MYH7: variants seen among roughly 807,000 people sequenced by gnomAD.
The protein encoded by MYH7 is myosin-7.
In MYH7, 129 loss-of-function variants were observed where a neutral mutation model predicts 225.4. That is an observed-to-expected ratio of 0.57 (90% confidence interval 0.50 to 0.66). The LOEUF (loss-of-function observed/expected upper bound fraction) is 0.66. MYH7 is among the 30% of genes least tolerant of loss of function. The pLI, the probability that MYH7 is intolerant of heterozygous loss-of-function variation, is 0.00. For synonymous variants in MYH7, 971 were observed against 1,007.6 expected, an observed-to-expected ratio of 0.96 and a Z score of 0.69; for missense variants, 1,649 against 2,517.0, an observed-to-expected ratio of 0.66 and a Z score of 7.38.
intron 39 of MYH7, among the ~76,000 whole-genome samples, chr14:23,413,329 C>T (rs1044991961): frequency 2.6e-5 from 4 of 152,214 alleles, no homozygotes; most frequent in East Asian, 1.9e-4. Context: ...CCTGTAATCC[C>T]GTACTTTGGG....
rs1158361269 is a variant in MYH7, at chr14:23,412,818, C to T, written c.*36G>A. On this transcript the variant is annotated 3_prime_UTR_variant, in exon 40 of 40. Transcript: ENST00000355349. ...AGGCTCCAGCATGGGGCTTTGCTGGCACCTCCAGGGCTGAGCAGATCAAGA... is the reference window on the plus strand; with the variant it reads ...AGGCTCCAGCATGGGGCTTTGCTGGTACCTCCAGGGCTGAGCAGATCAAGA... 1.2e-6 allele frequency: 2 copies of T among 1,613,342 alleles called. No individual in the cohort carries two copies. Among genetic ancestry groups the T allele is most frequent in the Non-Finnish European group, 1.7e-6 (2 of 1,179,446 alleles).
rs727505281 is a variant in MYH7, at chr14:23,417,310, G to C, written c.4362C>G (p.Ala1454=). ...ACTCCTCATACTTCTGCTTCCACTC[G>C]GCCAGGATCTGCCCGGGGACAAGGC... ...KKQRNFDKIL[A]EWKQKYEESQ... Residue 1454 remains alanine (A), a synonymous_variant, in exon 32 of 40, where the codon GCC becomes GCG. Coordinates refer to ENST00000355349, the MANE Select transcript of MYH7 (RefSeq NM_000257.4). The C allele has an allele frequency of 1.9e-6, 3 of 1,613,822 alleles. No individual in the cohort carries two copies. The highest frequency in any genetic ancestry group is 2.5e-6 in the Non-Finnish European group (3 of 1,180,018).
Position 23,416,279 on chromosome 14 carries a change from G to A in MYH7, c.4678C>T (p.Arg1560Trp), listed in dbSNP as rs368722536. ...SLEHEEGKIL[R>W]AQLEFNQIKA... ...ATCTGGTTGAACTCCAGCTGGGCCCGGAGGATCTTGCCCTCCTCGTGCTCC... is the reference window on the plus strand; with the variant it reads ...ATCTGGTTGAACTCCAGCTGGGCCCAGAGGATCTTGCCCTCCTCGTGCTCC... The change falls in exon 34 of 40, where the codon CGG becomes TGG. Residue 1560 changes from arginine (R) to tryptophan (W), a missense_variant. Physicochemically the swap from Arg to Trp is moderately radical, Grantham distance 101. This residue lies in a region of MYH7 where 687 missense variants were observed against 913.8 expected (regional missense o/e 0.75). Transcript: ENST00000355349. 3.7e-6 allele frequency: 6 copies of A among 1,613,110 alleles called. No homozygotes were observed. Among genetic ancestry groups the A allele is most frequent in the South Asian group, 2.2e-5 (2 of 91,022 alleles).
In MYH7 at chr14:23,419,189, C is replaced by T. The variant is rs147797612; in HGVS notation, c.3960G>A (p.Glu1320=). 4.8e-4 allele frequency: 782 copies of T among 1,614,120 alleles called. No individual in the cohort carries two copies. Among genetic ancestry groups the T allele is most frequent in the Non-Finnish European group, 6.3e-4 (742 of 1,180,048 alleles). ...QQLEDLKRQL[E]EEVKAKNALA... is the part of the protein sequence containing the mutation. ...GTCTAGCCCTTACCTTAACCTCCTC[C>T]TCCAGCTGCCTCTTGAGGTCCTCCA... Residue 1320 remains glutamate, a synonymous_variant, in exon 29 of 40, where the codon GAG becomes GAA. Transcript: ENST00000355349.
rs774605900 is a variant in MYH7, at chr14:23,427,220, T to G, written c.1956+20A>C. 2.0e-5 allele frequency: 32 copies of G among 1,612,896 alleles called. No homozygotes were observed. Among genetic ancestry groups the G allele is most frequent in the Non-Finnish European group, 2.6e-5 (31 of 1,179,926 alleles). ...TGGGCAGATGGGGAGCCAAGTTGGC[T>G]GGGGCTGTGTCCCACTCACCCTGTG... On this transcript the variant is annotated intron_variant, in intron 17 of 39. Coordinates refer to ENST00000355349, the MANE Select transcript of MYH7 (RefSeq NM_000257.4).
chr14:23,427,603 A>G lies in MYH7; in HGVS notation c.1870T>C (p.Tyr624His). 6.2e-7 allele frequency: 1 copy of G among 1,614,152 alleles called. No homozygotes were observed. Among genetic ancestry groups the G allele is most frequent in the South Asian group, 1.1e-5 (1 of 91,078 alleles). ...LKLLSTLFANYAGADAPIEKG... is the reference protein window; with the variant it reads ...LKLLSTLFANHAGADAPIEKG... ...TACTTACGCGCATCAGCCCCAGCATAGTTGGCAAACAGGGTGCTGAGCAGC... is the reference window on the plus strand; with the variant it reads ...TACTTACGCGCATCAGCCCCAGCATGGTTGGCAAACAGGGTGCTGAGCAGC... The change falls in exon 16 of 40, where the codon TAT (tyrosine) becomes CAT (histidine). Residue 624 changes from tyrosine to histidine, a missense_variant. This residue lies in a region of MYH7 where 112 missense variants were observed against 161.9 expected (regional missense o/e 0.69). Coordinates refer to ENST00000355349, the MANE Select transcript of MYH7 (RefSeq NM_000257.4).
In MYH7 at chr14:23,415,273, G is replaced by A. The variant is rs759821521; in HGVS notation, c.5284-3C>T. 4 of 1,614,262 alleles carry A rather than the reference G, an allele frequency of 2.5e-6. No homozygotes were observed. The Admixed American group carries it at 5.0e-5, about 20-fold the overall frequency. ...AGCTCCTCTGCCATCATGGCGGCCT[G>A]TGTGCAGGAGAGAGGTGGCACATGG... On this transcript the variant is annotated splice_region_variant and splice_polypyrimidine_tract_variant and intron_variant, in intron 36 of 39. Coordinates refer to ENST00000355349, the MANE Select transcript of MYH7 (RefSeq NM_000257.4). This position sits in a 1 kb window ranked among gnomAD's most constrained non-coding sequence, Gnocchi z 6.3.
At position 23,425,731 on chromosome 14, in the gene MYH7, G is replaced by A. The variant is rs144942248; in HGVS notation, c.2250C>T (p.Asp750=). 14 of 1,614,002 alleles carry A rather than the reference G, an allele frequency of 8.7e-6. No individual in the cohort carries two copies. Among genetic ancestry groups the A allele is most frequent in the Non-Finnish European group, 1.1e-5 (13 of 1,179,866 alleles). Residue 750 remains aspartate, a synonymous_variant, in exon 20 of 40, where the codon GAC becomes GAT. Transcript: ENST00000355349. The surrounding 1 kb of genome is among the most constrained non-coding windows in gnomAD (Gnocchi z 4.6). ...CAAACTTGTACTGGTTGTGATCAAT[G>A]TCCAGGGAGCTGAGCAGCTTCTCTG... The part of the protein sequence containing the change: ...KGAEKLLSSL[D]IDHNQYKFGH...
chr14:23,423,484 C>G, intron 24 of MYH7, 63 bp downstream of exon 24: 6 of 1,426,022 alleles, frequency 4.2e-6, no homozygotes, highest in African/African-American at 3.1e-5. Flanking sequence ...CACACACACA[C>G]ACAGAGCTCT....
At chr14:23,430,788 A>C in intron 10 of MYH7, 113 bp downstream of exon 10, 1 of 1,260,430 alleles carries the variant, frequency 7.9e-7, no homozygotes, top group Non-Finnish European at 1.2e-6. Context: ...ATCCCACTGA[A>C]TTGAATCCAG....
In MYH7 at chr14:23,423,552, C is replaced by T. The variant is rs730880765; in HGVS notation, c.3094G>A (p.Asp1032Asn). Residue 1032 changes from aspartate (D) to asparagine (N), a missense_variant, in exon 24 of 40, where the codon GAT (aspartate) becomes AAT (asparagine). Asp to Asn is a conservative substitution (Grantham distance 23). Transcript: ENST00000355349. ...ACAACTCTCAATCTACTCACATCAT[C>T]CACTTGCTGCTCCAGCTTGACTTTG... Reference protein sequence around the residue: ...KAKVKLEQQVDDLEGSLEQEK... With the variant: ...KAKVKLEQQVNDLEGSLEQEK... 5 of 1,612,972 alleles carry T rather than the reference C, an allele frequency of 3.1e-6. No individual in the cohort carries two copies. The African/African-American group carries it at 6.7e-5, about 22-fold the overall frequency.
chr14:23,423,803 T>G, intron 23 of MYH7, 80 bp from the exon 24 acceptor site: 1 of 1,612,888 alleles, frequency 6.2e-7, no homozygotes, highest in Non-Finnish European at 8.5e-7. Flanking sequence ...CATGTCAAGG[T>G]CCATGCTGCT....
rs1685928297 is a variant in MYH7 at position 23,425,246 on chromosome 14, C to T, written c.2423+36G>A. Reference sequence around the variant, plus strand: ...ACTGCCCCTGAACCAGCCTGGGCCTCAGAGAAGCGGGAAACCTCCTCTTGA... The same window carrying T: ...ACTGCCCCTGAACCAGCCTGGGCCTTAGAGAAGCGGGAAACCTCCTCTTGA... On this transcript the variant is annotated intron_variant, in intron 21 of 39. Coordinates refer to ENST00000355349, the MANE Select transcript of MYH7 (RefSeq NM_000257.4). This position sits in a 1 kb window ranked among gnomAD's most constrained non-coding sequence, Gnocchi z 4.6. 1 of 1,614,142 alleles carries T rather than the reference C, an allele frequency of 6.2e-7. No homozygotes were observed. Among genetic ancestry groups the T allele is most frequent in the Non-Finnish European group, 8.5e-7 (1 of 1,180,024 alleles).
chr14:23,433,870 C>A lies in MYH7; in HGVS notation c.-8-130G>T. On this transcript the variant is annotated intron_variant, in intron 2 of 39. Transcript: ENST00000355349. The surrounding 1 kb of genome is among the most constrained non-coding windows in gnomAD (Gnocchi z 4.1). ...GAGTCAAGAGGAGTTACCAGTGAGT[C>A]CCTTCCTCTTTGAGGTTACCCCTTA... 2 of 908,652 alleles carry A rather than the reference C, an allele frequency of 2.2e-6. No homozygotes were observed. Among genetic ancestry groups the A allele is most frequent in the South Asian group, 1.5e-5 (1 of 68,164 alleles). 56.3% of individuals were successfully genotyped at this position (908,652 alleles called of 1,614,324 possible).
Position 23,415,460 on chromosome 14 carries a change from G to A in MYH7, c.5204C>T (p.Ser1735Phe), listed in dbSNP as rs1251170415. Reference protein sequence around the residue: ...NQKKKMDADLSQLQTEVEEAV... With the variant: ...NQKKKMDADLFQLQTEVEEAV... ...CTCCTCCACTTCAGTCTGGAGCTGG[G>A]ACAGGTCAGCATCCATCTTCTTCTT... is the stretch of plus-strand genomic sequence containing the variant. The change falls in exon 36 of 40, where the codon TCC becomes TTC. Residue 1735 changes from serine (S) to phenylalanine (F), a missense_variant. Ser to Phe is a radical substitution (Grantham distance 155). This residue lies in a region of MYH7 where 687 missense variants were observed against 913.8 expected (regional missense o/e 0.75). Transcript: ENST00000355349. This position sits in a 1 kb window ranked among gnomAD's most constrained non-coding sequence, Gnocchi z 6.3. The A allele has an allele frequency of 6.2e-7, 1 of 1,614,244 alleles. No individual in the cohort carries two copies. Among genetic ancestry groups the A allele is most frequent in the East Asian group, 2.2e-5 (1 of 44,886 alleles).
rs1345179367 is a variant in MYH7, at chr14:23,432,509, G to A, written c.503-3C>T. 1 of 1,614,038 alleles carries A rather than the reference G, an allele frequency of 6.2e-7. No individual in the cohort carries two copies. The highest frequency in any genetic ancestry group is 1.3e-5 in the African/African-American group (1 of 74,924). On this transcript the variant is annotated splice_polypyrimidine_tract_variant and splice_region_variant and intron_variant, in intron 5 of 39. Transcript: ENST00000355349. ...CAGGATGGACTGGTTTTCTCTGTCT[G>A]TGGGGAGAGGGTGGGGAGGAAAGGT...
intron 24 of MYH7, among the ~76,000 whole-genome samples, chr14:23,422,864 C>T (rs527550098): frequency 2.0e-5 from 3 of 152,274 alleles, no homozygotes; most frequent in East Asian, 3.9e-4. Flanking sequence ...CTCTTGACCT[C>T]GTGATCCACC....
Position 23,427,237 on chromosome 14 carries a change from C to T in MYH7, c.1956+3G>A. On this transcript the variant is annotated splice_donor_region_variant and intron_variant, in intron 17 of 39. Transcript: ENST00000355349. ...AAGTTGGCTGGGGCTGTGTCCCACTCACCCTGTGCAGAGCTGACACAGTCT... is the reference window on the plus strand; with the variant it reads ...AAGTTGGCTGGGGCTGTGTCCCACTTACCCTGTGCAGAGCTGACACAGTCT... 6.2e-7 allele frequency: 1 copy of T among 1,613,640 alleles called. No homozygotes were observed. The highest frequency in any genetic ancestry group is 8.5e-7 in the Non-Finnish European group (1 of 1,180,010).
Position 23,425,517 on chromosome 14 carries a change from G to T in MYH7, c.2287-99C>A. The T allele has an allele frequency of 1.3e-6, 2 of 1,595,456 alleles. No homozygotes were observed. The highest frequency in any genetic ancestry group is 1.7e-6 in the Non-Finnish European group (2 of 1,169,862). The stretch of plus-strand genomic sequence containing the variant: ...AAGGGTAACAGCCTAGAAAAGGATT[G>T]CAGGGAGGAGGTCAATGGCAGCTGG... On this transcript the variant is annotated intron_variant, in intron 20 of 39. Transcript: ENST00000355349. This position sits in a 1 kb window ranked among gnomAD's most constrained non-coding sequence, Gnocchi z 4.6.
Sources: gnomAD v4.1 joint callset for allele counts (sites outside exome capture counted in the v4.1 genomes callset) on GRCh38, gnomAD v4.1.1 for gene constraint, gnomAD v4.1.1 regional missense constraint, Gnocchi (gnomAD v3.1) non-coding constraint, MANE v1.5 for transcripts, NCBI Gene and HGNC (gene_info 2026-07-23, HGNC 2026-07-21) for gene names.